The following SPSB1 variants were observed in gnomAD, a reference collection of about 807,000 sequenced individuals.
The protein encoded by SPSB1 is SPRY domain-containing SOCS box protein 1.
In SPSB1, 8 loss-of-function variants were observed where a neutral mutation model predicts 21.2. The ratio of observed to expected loss-of-function variants is 0.38; its 90% confidence interval spans 0.22 to 0.68. SPSB1 has a LOEUF of 0.68. SPSB1 is among the 30% of genes least tolerant of loss of function. SPSB1 has a pLI of 0.53. For missense variants in SPSB1, 242 were observed against 377.8 expected, an observed-to-expected ratio of 0.64 and a Z score of 2.98; for synonymous variants, 169 against 161.7, an observed-to-expected ratio of 1.05 and a Z score of -0.34.
intron 2 of SPSB1, among the ~76,000 whole-genome samples, chr1:9,360,616 T>C (rs1017670078): frequency 3.3e-5 from 5 of 152,168 alleles, no homozygotes; most frequent in African/African-American, 1.2e-4. Flanking sequence ...TGGCGTCCCT[T>C]GGTCTGTAGA....
At chr1:9,297,796 T>C (rs75060985) in intron 1 of SPSB1, among the ~76,000 whole-genome samples, 3,697 of 152,232 alleles carry the variant, frequency 0.024, 150 homozygotes, top group African/African-American at 0.085. Flanking sequence ...AGTTAGGGAT[T>C]CAAAGGCTTA....
rs572949780 is a variant in SPSB1, at chr1:9,346,658, C to G, written c.-149-9085C>G. Among the ~76,000 whole-genome samples the G allele has an allele frequency of 3.9e-5, 6 of 152,328 alleles. No homozygotes were observed. The highest frequency in any genetic ancestry group is 1.4e-4 in the African/African-American group (6 of 41,572). On this transcript the variant is annotated intron_variant, in intron 1 of 2. Transcript: ENST00000328089. The surrounding 1 kb of genome is among the most constrained non-coding windows in gnomAD (Gnocchi z 4.4). ...GCAGGTGCTGTGCAGTCTGGCCTGT[C>G]TCAGCCTCCCCCAGGGTCTGCTCTC... is the stretch of plus-strand genomic sequence containing the variant.
intron 1 of SPSB1, among the ~76,000 whole-genome samples, chr1:9,353,330 C>T (rs552084656): frequency 6.6e-6 from 1 of 152,246 alleles, no homozygotes; most frequent in South Asian, 2.1e-4. Context: ...TCCCCCTTCC[C>T]TCCCGCAGCT....
At chr1:9,313,946 C>G (rs1379677129) in intron 1 of SPSB1, among the ~76,000 whole-genome samples, 1 of 152,136 alleles carries the variant, frequency 6.6e-6, no homozygotes, top group Non-Finnish European at 1.5e-5. Flanking sequence ...GAGGCCTAGG[C>G]GGGCGGATCA....
rs989401493 is a variant in SPSB1 at position 9,368,769 on chromosome 1, G to A, written c.*1194G>A. ...AGTCGAGCCTCACAGAAGCCAGCGC[G>A]GGTCTCTGCTCAGCACCCCAGCCGG... On this transcript the variant is annotated 3_prime_UTR_variant, in exon 3 of 3. Coordinates refer to ENST00000328089, the MANE Select transcript of SPSB1 (RefSeq NM_025106.4). 4 of 151,926 alleles carry A rather than the reference G, an allele frequency of 2.6e-5. No individual in the cohort carries two copies. Among genetic ancestry groups the A allele is most frequent in the African/African-American group, 7.3e-5 (3 of 41,328 alleles). 9.4% of individuals were successfully genotyped at this position (151,926 alleles called of 1,614,324 possible). A position where few individuals can be genotyped will look rare whatever the true frequency, so the allele number is the denominator to read the frequency against.
At chr1:9,315,009 T>C (rs545500492) in intron 1 of SPSB1, among the ~76,000 whole-genome samples, 1 of 152,384 alleles carries the variant, frequency 6.6e-6, no homozygotes, top group Admixed American at 6.5e-5. Flanking sequence ...CTTTTTAAGA[T>C]GTTGGCAAAT....
At chr1:9,325,237 CG>C (rs202229587) in intron 1 of SPSB1, among the ~76,000 whole-genome samples, 64 of 140,872 alleles carry the variant, frequency 4.5e-4, no homozygotes, top group African/African-American at 1.7e-3. Context: ...CCCCCCCCCC[CG>C]CCCCGCCTCC....
chr1:9,309,313 TGTGTGTGTGTGTGTGTGTGTGA>T (rs1639478436), intron 1 of SPSB1, among the ~76,000 whole-genome samples: 2 of 145,240 alleles, frequency 1.4e-5, no homozygotes, highest in African/African-American at 5.5e-5. Context: ...TGTGTGTGTG[TGTGTGTGTGTGTGTGTGTGTGA>T]GTGACAGATT....
chr1:9,315,091 T>C (rs1349282182), intron 1 of SPSB1, among the ~76,000 whole-genome samples: 12 of 152,232 alleles, frequency 7.9e-5, no homozygotes, highest in Admixed American at 7.9e-4. Flanking sequence ...CAACATCTTG[T>C]GGGATGAATC....
intron 1 of SPSB1, among the ~76,000 whole-genome samples, chr1:9,310,414 C>T (rs935390356): frequency 6.6e-6 from 1 of 152,162 alleles, no homozygotes; most frequent in African/African-American, 2.4e-5. Flanking sequence ...CCTAAAGGGC[C>T]GGGCACAGTA....
At position 9,367,645 on chromosome 1, in the gene SPSB1, C is replaced by G. The variant is rs992900547; in HGVS notation, c.*70C>G. The G allele has an allele frequency of 9.2e-6, 14 of 1,514,726 alleles. No homozygotes were observed. Among genetic ancestry groups the G allele is most frequent in the Non-Finnish European group, 1.2e-5 (14 of 1,128,386 alleles). 93.8% of individuals were successfully genotyped at this position (1,514,726 alleles called of 1,614,324 possible). On this transcript the variant is annotated 3_prime_UTR_variant, in exon 3 of 3. Transcript: ENST00000328089. The surrounding 1 kb of genome is among the most constrained non-coding windows in gnomAD (Gnocchi z 5.9). Reference sequence around the variant, plus strand: ...TCACTGAGCCGCCTGCCGCTGGGGCCGCCGCACCCTGCACCTTGGACCGGC... The same window carrying G: ...TCACTGAGCCGCCTGCCGCTGGGGCGGCCGCACCCTGCACCTTGGACCGGC...
chr1:9,334,167 C>T (rs112829068), intron 1 of SPSB1, among the ~76,000 whole-genome samples: 3,628 of 152,210 alleles, frequency 0.024, 95 homozygotes, highest in African/African-American at 0.063. Flanking sequence ...CTCGTTGCAA[C>T]TTCCGCCTCC....
chr1:9,357,735 T>C (rs779267429), intron 2 of SPSB1, among the ~76,000 whole-genome samples: 1 of 152,112 alleles, frequency 6.6e-6, no homozygotes, highest in Non-Finnish European at 1.5e-5. Flanking sequence ...ATGCAGCCCA[T>C]GTGTAGGGGC....
intron 1 of SPSB1, among the ~76,000 whole-genome samples, chr1:9,353,850 G>C (rs544703864): frequency 6.6e-6 from 1 of 151,946 alleles, no homozygotes; most frequent in South Asian, 2.1e-4. Context: ...CCCAGGAAGC[G>C]GAGGTTGCAG....
chr1:9,342,318 G>T (rs1170554315), intron 1 of SPSB1, among the ~76,000 whole-genome samples: 1 of 152,164 alleles, frequency 6.6e-6, no homozygotes, highest in Admixed American at 6.5e-5. Flanking sequence ...ATGAGAAGAG[G>T]TTTGCGTAGT....
chr1:9,347,210 G>A (rs1171554371), intron 1 of SPSB1, among the ~76,000 whole-genome samples: 8 of 152,202 alleles, frequency 5.3e-5, no homozygotes, highest in Non-Finnish European at 8.8e-5. Flanking sequence ...TCCTTAACAC[G>A]TACCTTCATG....
At chr1:9,329,793 G>A (rs932868420) in intron 1 of SPSB1, among the ~76,000 whole-genome samples, 7 of 152,136 alleles carry the variant, frequency 4.6e-5, no homozygotes, top group African/African-American at 1.2e-4. Flanking sequence ...GACACATGGC[G>A]GTGGGGCCGT....
rs776459202 is a variant in SPSB1, at chr1:9,355,947, A to G, written c.56A>G (p.Tyr19Cys). The change falls in exon 2 of 3, where the codon TAC becomes TGC. Residue 19 changes from tyrosine to cysteine, a missense_variant. By Grantham distance (194) the Tyr-to-Cys change is radical. Coordinates refer to ENST00000328089, the MANE Select transcript of SPSB1 (RefSeq NM_025106.4). ...IKTVDMRDPT[Y>C]RPLKQELQGL... ...ACTGTGGACATGAGGGACCCCACGT[A>G]CAGGCCCCTGAAGCAGGAGCTCCAG... 6.2e-7 allele frequency: 1 copy of G among 1,612,702 alleles called. No homozygotes were observed. The highest frequency in any genetic ancestry group is 8.5e-7 in the Non-Finnish European group (1 of 1,179,198).
chr1:9,302,382 G>A (rs755285235), intron 1 of SPSB1, among the ~76,000 whole-genome samples: 5 of 152,124 alleles, frequency 3.3e-5, no homozygotes, highest in Non-Finnish European at 7.4e-5. Context: ...TAGAATGATC[G>A]GGCTGCCCCA....
Sources: gnomAD v4.1 joint callset for allele counts (sites outside exome capture counted in the v4.1 genomes callset) on GRCh38, gnomAD v4.1.1 for gene constraint, Gnocchi (gnomAD v3.1) non-coding constraint, MANE v1.5 for transcripts, NCBI Gene and HGNC (gene_info 2026-07-23, HGNC 2026-07-21) for gene names.